Variants in STIM1 observed in about 807,000 individuals in gnomAD.
STIM1 encodes the protein stromal interaction molecule 1.
A neutral mutation model predicts 74.7 loss-of-function variants in STIM1; 25 were observed. The observed-to-expected ratio is 0.33, with a 90% CI of 0.24 to 0.47. The LOEUF (loss-of-function observed/expected upper bound fraction) is 0.47. Ranked by LOEUF, STIM1 falls within the 20% of genes least tolerant of loss-of-function variation. The pLI is 1.00. For synonymous variants in STIM1, 328 were observed against 348.8 expected, an observed-to-expected ratio of 0.94 and a Z score of 0.66; for missense variants, 728 against 920.8, an observed-to-expected ratio of 0.79 and a Z score of 2.71.
At chr11:4,069,026 T>C (rs1432780765) in intron 5 of STIM1, among the ~76,000 whole-genome samples, 2 of 152,130 alleles carry the variant, frequency 1.3e-5, no homozygotes, top group Non-Finnish European at 2.9e-5. Flanking sequence ...CTCCCTTTTT[T>C]CCCTCTTTCT....
At chr11:3,881,444 C>G (rs2091495894) in intron 1 of STIM1, among the ~76,000 whole-genome samples, 1 of 151,920 alleles carries the variant, frequency 6.6e-6, no homozygotes, top group Admixed American at 6.6e-5. Context: ...GATCTCGGCT[C>G]ACTGCCAGCT....
chr11:4,012,597 T>C (rs1331975269), intron 2 of STIM1, among the ~76,000 whole-genome samples: 1 of 152,252 alleles, frequency 6.6e-6, no homozygotes, highest in African/African-American at 2.4e-5. Context: ...TTTGCTGAAG[T>C]TGCTTATCAG....
At chr11:4,069,348 T>A (rs1023258506) in intron 5 of STIM1, among the ~76,000 whole-genome samples, 3 of 152,228 alleles carry the variant, frequency 2.0e-5, no homozygotes, top group Non-Finnish European at 4.4e-5. Context: ...ACTGAATTGC[T>A]ACCAGGTGTT....
chr11:3,941,864 T>A (rs948528589), intron 1 of STIM1, among the ~76,000 whole-genome samples: 1 of 151,792 alleles, frequency 6.6e-6, no homozygotes, highest in African/African-American at 2.4e-5. Flanking sequence ...TTTTTTATTT[T>A]TGTAGAGAGA....
intron 1 of STIM1, among the ~76,000 whole-genome samples, chr11:3,902,716 G>T (rs987471675): frequency 6.6e-6 from 1 of 152,200 alleles, no homozygotes; most frequent in Non-Finnish European, 1.5e-5. Flanking sequence ...TTGGCATAGG[G>T]AATAGAATGC....
chr11:3,995,447 GGAT>G (rs2093654687), intron 2 of STIM1, among the ~76,000 whole-genome samples: 1 of 152,040 alleles, frequency 6.6e-6, no homozygotes, highest in Admixed American at 6.6e-5. Context: ...AGTCATATTT[GGAT>G]GATAATGGTT....
intron 2 of STIM1, among the ~76,000 whole-genome samples, chr11:3,988,749 T>G (rs2093580906): frequency 6.6e-6 from 1 of 152,196 alleles, no homozygotes; most frequent in South Asian, 2.1e-4. Context: ...AGGAAACAAT[T>G]CTACTAAAAA....
chr11:4,002,722 A>T (rs2093731977), intron 2 of STIM1, among the ~76,000 whole-genome samples: 1 of 150,204 alleles, frequency 6.7e-6, no homozygotes, highest in Non-Finnish European at 1.5e-5. Flanking sequence ...GCAGAAGGCA[A>T]GAAATAACTA....
At chr11:3,989,192 C>G (rs2093585198) in intron 2 of STIM1, 2 of 952,510 alleles carry the variant, frequency 2.1e-6, no homozygotes, top group African/African-American at 1.6e-5. Context: ...CCTGCCTCAT[C>G]AGAGGCTGGA....
chr11:3,876,269 T>C (rs2091304252), intron 1 of STIM1, among the ~76,000 whole-genome samples: 1 of 152,108 alleles, frequency 6.6e-6, no homozygotes, highest in South Asian at 2.1e-4. Context: ...TAGACCTAGG[T>C]AGGAAGAAGG....
intron 1 of STIM1, among the ~76,000 whole-genome samples, chr11:3,957,384 G>A (rs528990040): frequency 6.6e-6 from 1 of 152,068 alleles, no homozygotes; most frequent in South Asian, 2.1e-4. Flanking sequence ...AGCCTCCTGA[G>A]TAGTTGGGAT....
Position 3,895,541 on chromosome 11 carries a change from T to C in STIM1, c.139+39132T>C, listed in dbSNP as rs2092035473. Among the ~76,000 whole-genome samples, 4 of 152,160 alleles carry C rather than the reference T, an allele frequency of 2.6e-5. No individual in the cohort carries two copies. In the South Asian group the frequency reaches 8.3e-4, roughly 32 times the overall value. ...AAGAGATTAAAGCCCAGAAAGGAGA[T>C]GCACTTAACCAAGTTTATATAGCTA... On this transcript the variant is annotated intron_variant, in intron 1 of 12. Transcript: ENST00000526596.
chr11:4,060,339 TG>T (rs2094322048), intron 5 of STIM1, among the ~76,000 whole-genome samples: 1 of 152,198 alleles, frequency 6.6e-6, no homozygotes, highest in Non-Finnish European at 1.5e-5. Context: ...AGCAGAAGAA[TG>T]CTATTGAACC....
At chr11:3,873,004 A>G (rs191273654) in intron 1 of STIM1, among the ~76,000 whole-genome samples, 41 of 149,910 alleles carry the variant, frequency 2.7e-4, no homozygotes, top group African/African-American at 9.1e-4. Context: ...GCAGGAGTGC[A>G]GTGGCATGAT....
intron 1 of STIM1, among the ~76,000 whole-genome samples, chr11:3,965,173 G>A (rs963934394): frequency 1.3e-5 from 2 of 152,200 alleles, no homozygotes; most frequent in Non-Finnish European, 2.9e-5. Flanking sequence ...ACACATTCAA[G>A]TTCATTCACT....
chr11:3,924,117 C>CT (rs2092755502), intron 1 of STIM1, among the ~76,000 whole-genome samples: 1 of 150,976 alleles, frequency 6.6e-6, no homozygotes. Flanking sequence ...CATGCCTGGC[C>CT]TATTTAGAAC....
intron 1 of STIM1, among the ~76,000 whole-genome samples, chr11:3,907,958 A>G (rs2092494212): frequency 6.6e-6 from 1 of 152,184 alleles, no homozygotes; most frequent in Non-Finnish European, 1.5e-5. Flanking sequence ...GCCTTATCCA[A>G]TCATTCTATT....
At chr11:4,058,927 G>C in intron 4 of STIM1, 1 of 1,131,062 alleles carries the variant, frequency 8.8e-7, no homozygotes, top group Non-Finnish European at 1.1e-6. Flanking sequence ...CACAGGAAAT[G>C]CATTTATAAA....
At chr11:3,926,902 T>C (rs1485946150) in intron 1 of STIM1, among the ~76,000 whole-genome samples, 1 of 152,134 alleles carries the variant, frequency 6.6e-6, no homozygotes, top group Non-Finnish European at 1.5e-5. Context: ...AAGTATGGAG[T>C]CATACAGTCT....
Sources: gnomAD v4.1 joint callset for allele counts (sites outside exome capture counted in the v4.1 genomes callset) on GRCh38, gnomAD v4.1.1 for gene constraint, MANE v1.5 for transcripts, NCBI Gene and HGNC (gene_info 2026-07-23, HGNC 2026-07-21) for gene names.